BST1: variants seen among roughly 807,000 people sequenced by gnomAD.
BST1 encodes the protein ADP-ribosyl cyclase/cyclic ADP-ribose hydrolase 2.
A neutral mutation model predicts 40.6 loss-of-function variants in BST1; 49 were observed. The ratio of observed to expected loss-of-function variants is 1.21; its 90% CI spans 0.96 to 1.53. The LOEUF (loss-of-function observed/expected upper bound fraction) is 1.53. BST1 is among the 40% of genes most tolerant of loss of function. The pLI is 0.00. For missense variants in BST1, 423 were observed against 395.9 expected (o/e 1.07, Z -0.58); for synonymous variants, 157 against 159.3 (o/e 0.99, Z 0.11).
downstream of BST1, among the ~76,000 whole-genome samples, chr4:15,733,712 C>T (rs1577600811): frequency 6.6e-6 from 1 of 152,240 alleles, no homozygotes; most frequent in East Asian, 1.9e-4. Flanking sequence ...GCTTTCAAAC[C>T]ACCAGATCTC....
chr4:15,766,386 T>A, the BST1 span, among the ~76,000 whole-genome samples: 6 of 151,856 alleles, frequency 4.0e-5, no homozygotes, highest in Non-Finnish European at 4.4e-5. Flanking sequence ...CGGTCAGACC[T>A]AAGGGAGGAT....
At chr4:15,716,723 A>C (rs963854118) in intron 6 of BST1, among the ~76,000 whole-genome samples, 2 of 152,218 alleles carry the variant, frequency 1.3e-5, no homozygotes, top group African/African-American at 4.8e-5. Flanking sequence ...TTTTGCATGC[A>C]TGAAAAACGT....
At chr4:15,747,638 T>A in the BST1 span, among the ~76,000 whole-genome samples, 220 of 152,328 alleles carry the variant, frequency 1.4e-3, 2 homozygotes, top group Non-Finnish European at 2.7e-3. Context: ...CAAAGCACAG[T>A]AGTAAATAAA....
the BST1 span, among the ~76,000 whole-genome samples, chr4:15,765,851 A>T: frequency 1.3e-5 from 2 of 152,034 alleles, no homozygotes; most frequent in Admixed American, 1.3e-4. Flanking sequence ...AGCCCTCATC[A>T]TCACCTCGCA....
At position 15,719,005 on chromosome 4, in the gene BST1, A is replaced by G. The variant is rs751454804; in HGVS notation, c.791+12A>G. 3.1e-6 allele frequency: 5 copies of G among 1,610,284 alleles called. No individual in the cohort carries two copies. The highest frequency in any genetic ancestry group is 3.4e-5 in the Admixed American group (2 of 59,698). ...ATTAATGATTACCGGTAGGTGGCCT[A>G]TATATCAATGTGCTCTTGTAGAGGT... On this transcript the variant is annotated intron_variant, in intron 7 of 8. Coordinates refer to ENST00000265016, the MANE Select transcript of BST1 (RefSeq NM_004334.3).
chr4:15,765,384 A>C, the BST1 span, among the ~76,000 whole-genome samples: 1 of 151,886 alleles, frequency 6.6e-6, no homozygotes, highest in Non-Finnish European at 1.5e-5. Context: ...AGGCACCATC[A>C]TCTCTTGTCA....
chr4:15,739,534 T>C (rs185546769), downstream of BST1, among the ~76,000 whole-genome samples: 1 of 150,734 alleles, frequency 6.6e-6, no homozygotes, highest in East Asian at 2.0e-4. Context: ...TTGAGAAAAA[T>C]GCATGTTAAG....
downstream of BST1, among the ~76,000 whole-genome samples, chr4:15,737,387 A>G (rs901257769): frequency 1.3e-5 from 2 of 152,168 alleles, no homozygotes; most frequent in Non-Finnish European, 2.9e-5. Flanking sequence ...TACAGATGAG[A>G]AAACATAGAC....
intron 1 of BST1, among the ~76,000 whole-genome samples, chr4:15,704,527 C>G (rs1394208837): frequency 2.1e-5 from 3 of 142,992 alleles, no homozygotes; most frequent in African/African-American, 5.2e-5. Context: ...TGTGTGTGGT[C>G]TATAGGTGAG....
rs191143916 is a variant in BST1 at position 15,711,403 on chromosome 4, A to G, written c.452-404A>G. 6.1e-4 allele frequency among the ~76,000 whole-genome samples: 93 copies of G among 152,342 alleles called. 1 individual carries two copies. The highest frequency in any genetic ancestry group is 6.8e-3 in the Middle Eastern group (2 of 294). ...TTGTTTCCTTGCATTTACTACTAAG[A>G]TAATGGCTAACAATTTAATTTTTGG... On this transcript the variant is annotated intron_variant, in intron 3 of 8. Transcript: ENST00000265016.
chr4:15,709,466 C>T (rs370798311), intron 3 of BST1, among the ~76,000 whole-genome samples: 8 of 152,264 alleles, frequency 5.3e-5, no homozygotes, highest in African/African-American at 9.6e-5. Context: ...GCAGGTTCCA[C>T]GTCAAATGGA....
chr4:15,716,174 T>C (rs1720505326), intron 6 of BST1, among the ~76,000 whole-genome samples: 1 of 152,194 alleles, frequency 6.6e-6, no homozygotes, highest in South Asian at 2.1e-4. Flanking sequence ...CTAGGGACTC[T>C]ATAATTAAGA....
At chr4:15,733,557 T>G (rs1422820927), downstream of BST1, among the ~76,000 whole-genome samples, 1 of 152,244 alleles carries the variant, frequency 6.6e-6, no homozygotes, top group Non-Finnish European at 1.5e-5. Context: ...TCCAGCTGGC[T>G]TCACCTCTCT....
chr4:15,735,265 A>G (rs772870581), downstream of BST1, among the ~76,000 whole-genome samples: 1 of 152,242 alleles, frequency 6.6e-6, no homozygotes, highest in East Asian at 1.9e-4. Context: ...GCCCATCTTC[A>G]TGGTGTCAGC....
the BST1 span, among the ~76,000 whole-genome samples, chr4:15,764,099 T>C: frequency 6.6e-6 from 1 of 152,024 alleles, no homozygotes; most frequent in African/African-American, 2.4e-5. Context: ...TATTAACAAA[T>C]ATACCCCTCT....
chr4:15,712,043 T>TA (rs1720246440), intron 4 of BST1, among the ~76,000 whole-genome samples, 154 bp downstream of exon 4: 1 of 152,214 alleles, frequency 6.6e-6, no homozygotes, highest in African/African-American at 2.4e-5. Flanking sequence ...CTTTGCTATA[T>TA]AAAGTTGTGA....
the BST1 span, among the ~76,000 whole-genome samples, chr4:15,761,652 G>C: frequency 2.6e-5 from 4 of 151,894 alleles, no homozygotes; most frequent in Non-Finnish European, 5.9e-5. Context: ...TTCTGTGCTT[G>C]AGCTTGCATG....
intron 7 of BST1, among the ~76,000 whole-genome samples, chr4:15,722,494 C>A (rs930152318): frequency 5.9e-5 from 9 of 152,122 alleles, no homozygotes; most frequent in African/African-American, 1.9e-4. Flanking sequence ...GTGGTGCGAT[C>A]ATAGCTCACT....
the BST1 span, among the ~76,000 whole-genome samples, chr4:15,767,804 A>G: frequency 8.6e-5 from 13 of 151,466 alleles, no homozygotes; most frequent in Admixed American, 5.3e-4. Flanking sequence ...TATTTTTAGT[A>G]GAGATGGAAT....
Sources: allele counts gnomAD v4.1 joint callset (sites outside exome capture counted in the v4.1 genomes callset), GRCh38; gene constraint gnomAD v4.1.1; transcripts MANE v1.5; gene names NCBI Gene and HGNC (gene_info 2026-07-23, HGNC 2026-07-21).